Variants in MITF observed in about 807,000 individuals in gnomAD.
MITF encodes melanocyte inducing transcription factor, also known as microphthalmia-associated transcription factor.
In MITF, 17 loss-of-function variants were observed where a neutral mutation model predicts 60.5. The observed-to-expected ratio is 0.28, with a 90% CI of 0.19 to 0.42. The LOEUF (loss-of-function observed/expected upper bound fraction) is 0.42, where lower values mean the gene tolerates loss of function less well. MITF is among the 10% of genes least tolerant of loss of function. The pLI, the probability that MITF is intolerant of heterozygous loss-of-function variation, is 1.00. For missense variants in MITF, 622 were observed against 683.5 expected, an observed-to-expected ratio of 0.91 and a Z score of 1.00; for synonymous variants, 260 against 248.5, an observed-to-expected ratio of 1.05 and a Z score of -0.43.
intron 1 of MITF, among the ~76,000 whole-genome samples, chr3:69,853,613 G>C (rs2063863778): frequency 6.6e-6 from 1 of 152,060 alleles, no homozygotes; most frequent in Non-Finnish European, 1.5e-5. Context: ...TCCCTACCTA[G>C]TTAACCATCA....
intron 5 of MITF, 51 bp downstream of exon 5, chr3:69,941,382 C>T (rs750868278): frequency 8.2e-7 from 1 of 1,219,584 alleles, no homozygotes; most frequent in Non-Finnish European, 1.2e-6. Flanking sequence ...TTCCAGGGTT[C>T]TTTTCTTTTT....
intron 1 of MITF, among the ~76,000 whole-genome samples, chr3:69,829,337 C>T (rs9864805): frequency 0.35 from 52,591 of 151,918 alleles, 10,035 homozygotes; most frequent in Non-Finnish European, 0.43. Flanking sequence ...ATTCTATAGG[C>T]GTGAATTTTG....
At chr3:69,873,329 C>T (rs1374477728) in intron 1 of MITF, among the ~76,000 whole-genome samples, 1 of 152,112 alleles carries the variant, frequency 6.6e-6, no homozygotes, top group African/African-American at 2.4e-5. Flanking sequence ...AAGTGCCATT[C>T]ACTCTGAAAT....
intron 1 of MITF, among the ~76,000 whole-genome samples, chr3:69,814,900 G>A (rs773042117): frequency 2.6e-5 from 4 of 152,112 alleles, no homozygotes; most frequent in Admixed American, 1.3e-4. Flanking sequence ...ATCATATAGT[G>A]TCTGTGTAAC....
intron 2 of MITF, among the ~76,000 whole-genome samples, chr3:69,893,861 C>T (rs533700796): frequency 6.6e-5 from 10 of 152,238 alleles, no homozygotes; most frequent in African/African-American, 2.4e-4. Flanking sequence ...TTTTAACTTT[C>T]CCCCAAATTA....
chr3:69,941,780 C>T (rs1490895353), intron 5 of MITF, among the ~76,000 whole-genome samples: 6 of 152,172 alleles, frequency 3.9e-5, no homozygotes, highest in Non-Finnish European at 5.9e-5. Context: ...AAAATCTATT[C>T]CAACCTCAGT....
At chr3:69,866,183 T>C (rs2064110927) in intron 1 of MITF, 9 of 1,554,260 alleles carry the variant, frequency 5.8e-6, no homozygotes, top group Non-Finnish European at 6.9e-6. Flanking sequence ...TGGATTGGAG[T>C]TTCCAGGGCC....
intron 1 of MITF, among the ~76,000 whole-genome samples, chr3:69,827,561 G>T (rs1188602748): frequency 1.3e-5 from 2 of 152,150 alleles, no homozygotes; most frequent in African/African-American, 4.8e-5. Flanking sequence ...CCTACAACAC[G>T]TCAAGCCTGA....
At position 69,964,908 on chromosome 3, in the gene MITF, C is replaced by G. The variant is rs2066645592; in HGVS notation, c.1241C>G (p.Ser414Cys). The G allele has an allele frequency of 6.2e-7, 1 of 1,614,152 alleles. No individual in the cohort carries two copies. The highest frequency in any genetic ancestry group is 8.5e-7 in the Non-Finnish European group (1 of 1,180,012). ...LSLIPSTGLC[S>C]PDLVNRIIKQ... ...CTTATTCCATCCACGGGTCTCTGCT[C>G]TCCAGATTTGGTGAATCGGATCATC... The change falls in exon 10 of 10, where the codon TCT becomes TGT. Residue 414 changes from serine to cysteine, a missense_variant. Around this residue, in one of 5 missense-constraint regions of MITF, gnomAD observed 224 missense variants for 209.5 expected, o/e 1.07. Transcript: ENST00000352241.
chr3:69,821,622 A>G (rs993556651), intron 1 of MITF, among the ~76,000 whole-genome samples: 3 of 151,246 alleles, frequency 2.0e-5, no homozygotes, highest in African/African-American at 7.3e-5. Flanking sequence ...AAAAACTCAT[A>G]AGTAGATAAC....
chr3:69,850,572 A>C (rs904114063), intron 1 of MITF, among the ~76,000 whole-genome samples: 2 of 152,240 alleles, frequency 1.3e-5, no homozygotes, highest in African/African-American at 4.8e-5. Context: ...ATTGCAGAGA[A>C]ACAAAAACCT....
At position 69,752,249 on chromosome 3, in the gene MITF, C is replaced by G. The variant is rs549398058; in HGVS notation, c.104+12548C>G. On this transcript the variant is annotated intron_variant, in intron 1 of 9. Transcript: ENST00000352241. ...GAAATGGGGCATTGCTATAAAGATA[C>G]CTGAAAATGTGGAAGCAACTTTGGA... 2.6e-5 allele frequency: 4 copies of G among 152,208 alleles called. No individual in the cohort carries two copies. The East Asian group carries it at 5.8e-4, about 22-fold the overall frequency. 9.4% of individuals were successfully genotyped at this position (152,208 alleles called of 1,614,324 possible).
chr3:69,863,209 G>T (rs2064048739), intron 1 of MITF, among the ~76,000 whole-genome samples: 1 of 152,142 alleles, frequency 6.6e-6, no homozygotes, highest in Non-Finnish European at 1.5e-5. Flanking sequence ...GAAGACATGT[G>T]TTCGTTAATT....
At chr3:69,846,087 G>A (rs539415408) in intron 1 of MITF, among the ~76,000 whole-genome samples, 1 of 151,820 alleles carries the variant, frequency 6.6e-6, no homozygotes, top group Non-Finnish European at 1.5e-5. Flanking sequence ...ACACCAAAGG[G>A]CTTTCTCTTT....
In MITF at chr3:69,966,305, A is replaced by G. The variant is rs1380193534; in HGVS notation, c.*1057A>G. On this transcript the variant is annotated 3_prime_UTR_variant, in exon 10 of 10. Transcript: ENST00000352241. ...TTTCCGCATTCTTTGTACACCCATG[A>G]AAGAAAACTTTTATGCAAGGTCTTG... 1.3e-5 allele frequency: 3 copies of G among 232,854 alleles called. No individual in the cohort carries two copies. Among genetic ancestry groups the G allele is most frequent in the Non-Finnish European group, 2.5e-5 (3 of 117,664 alleles). 14.4% of individuals were successfully genotyped at this position (232,854 alleles called of 1,614,324 possible). A position where few individuals can be genotyped will look rare whatever the true frequency, so the allele number is the denominator to read the frequency against.
intron 1 of MITF, among the ~76,000 whole-genome samples, chr3:69,860,491 G>C (rs1017387477): frequency 7.3e-5 from 11 of 151,672 alleles, no homozygotes; most frequent in African/African-American, 2.2e-4. Flanking sequence ...CCAGCTATTC[G>C]GGAGGCTGAG....
intron 1 of MITF, among the ~76,000 whole-genome samples, chr3:69,783,316 A>G (rs1303111281): frequency 1.3e-5 from 2 of 152,114 alleles, no homozygotes; most frequent in South Asian, 4.1e-4. Context: ...TTAGATTTCT[A>G]ACAATGTGAT....
At chr3:69,820,456 C>G (rs767567376) in intron 1 of MITF, among the ~76,000 whole-genome samples, 1 of 124,260 alleles carries the variant, frequency 8.0e-6, no homozygotes, top group East Asian at 2.1e-4. Context: ...GCAATGAAAA[C>G]AAGAGTAGGA....
intron 1 of MITF, among the ~76,000 whole-genome samples, chr3:69,878,438 A>G (rs1398903853): frequency 6.6e-6 from 1 of 152,170 alleles, no homozygotes; most frequent in Non-Finnish European, 1.5e-5. Context: ...ACATTGTAAC[A>G]TAGTAGAGGG....
Sources: gnomAD v4.1 joint callset for allele counts (sites outside exome capture counted in the v4.1 genomes callset) on GRCh38, gnomAD v4.1.1 for gene constraint, gnomAD v4.1.1 regional missense constraint, MANE v1.5 for transcripts, NCBI Gene and HGNC (gene_info 2026-07-23, HGNC 2026-07-21) for gene names.